The following HOXD4 variants were observed in gnomAD, a reference collection of about 807,000 sequenced individuals.
The protein encoded by HOXD4 is homeobox D4, also known as homeobox protein Hox-D4.
HOXD4 carries 15 observed loss-of-function variants against 22.6 expected under a neutral mutation model. The ratio of observed to expected loss-of-function variants is 0.67; its 90% CI spans 0.45 to 1.02. The LOEUF is 1.02. HOXD4 is among the 50% of genes least tolerant of loss of function. The pLI is 0.00. For synonymous variants in HOXD4, 176 were observed against 157.0 expected (o/e 1.12, Z -0.90); for missense variants, 350 against 346.6 (o/e 1.01, Z -0.08).
rs949386715 is a variant in HOXD4 at position 176,152,498 on chromosome 2, G to A, written c.434-110G>A. 3.1e-5 allele frequency: 28 copies of A among 896,160 alleles called. No individual in the cohort carries two copies. The African/African-American group carries it at 4.1e-4, about 13-fold the overall frequency. 55.5% of individuals were successfully genotyped at this position (896,160 alleles called of 1,614,324 possible). A position where few individuals can be genotyped will look rare whatever the true frequency, so the allele number is the denominator to read the frequency against. On this transcript the variant is annotated intron_variant, in intron 1 of 1. Coordinates refer to ENST00000306324, the MANE Select transcript of HOXD4 (RefSeq NM_014621.3). This position sits in a 1 kb window ranked among gnomAD's most constrained non-coding sequence, Gnocchi z 5.2. The stretch of plus-strand genomic sequence containing the variant: ...AGGAAGCAAGCGAGCTTGGGAGCGC[G>A]CGGGGAGGGCCGCGGGCCTCGGGGC...
rs749013823 is a variant in HOXD4 at position 176,152,082 on chromosome 2, A to G, written c.433+16A>G. 4.3e-6 allele frequency: 7 copies of G among 1,609,594 alleles called. No individual in the cohort carries two copies. The highest frequency in any genetic ancestry group is 3.3e-4 in the Middle Eastern group (2 of 6,078). On this transcript the variant is annotated intron_variant, in intron 1 of 1. Coordinates refer to ENST00000306324, the MANE Select transcript of HOXD4 (RefSeq NM_014621.3). The surrounding 1 kb of genome is among the most constrained non-coding windows in gnomAD (Gnocchi z 5.2). ...GTGAATTCGGGTAAGGCTAGGGTCC[A>G]GTAACCTTTCTGTCCACATCCCAGC...
Position 176,152,456 on chromosome 2 carries a change from G to A in HOXD4, c.434-152G>A, listed in dbSNP as rs1690556181. On this transcript the variant is annotated intron_variant, in intron 1 of 1. Coordinates refer to ENST00000306324, the MANE Select transcript of HOXD4 (RefSeq NM_014621.3). This position sits in a 1 kb window ranked among gnomAD's most constrained non-coding sequence, Gnocchi z 5.2. Reference sequence around the variant, plus strand: ...TGGGTGGGAGTGAGCGTGTGCGCCGGGGAGAGGGCGGGAGGGAGGAAGCAA... The same window carrying A: ...TGGGTGGGAGTGAGCGTGTGCGCCGAGGAGAGGGCGGGAGGGAGGAAGCAA... 4 of 716,002 alleles carry A rather than the reference G, an allele frequency of 5.6e-6. No homozygotes were observed. The highest frequency in any genetic ancestry group is 3.6e-4 in the Middle Eastern group (1 of 2,766). The allele number at this position is 716,002 out of a possible 1,614,324, so 44.4% of individuals were successfully genotyped here. A position where few individuals can be genotyped will look rare whatever the true frequency, so the allele number is the denominator to read the frequency against.
chr2:176,151,884 GC>G lies in HOXD4; in HGVS notation c.255del (p.Gly86AlafsTer52). 2 of 1,584,982 alleles carry G rather than the reference GC, an allele frequency of 1.3e-6. No homozygotes were observed. Among genetic ancestry groups the G allele is most frequent in the Non-Finnish European group, 1.7e-6 (2 of 1,165,414 alleles). On this transcript the variant is annotated frameshift_variant, in exon 1 of 2. Transcript: ENST00000306324. LOFTEE classifies it high-confidence loss of function. ...CGGGGTCACGGACAAGAGCCAGGCGGCCCCGGCGGTCACTACGCCGCTCCAG... is the reference window on the plus strand; with the variant it reads ...CGGGGTCACGGACAAGAGCCAGGCGGCCCGGCGGTCACTACGCCGCTCCAG... ...PARGHGQEPGGPGGHYAAPGE... is the reference protein window; with the variant it reads ...PARGHGQEPGXPGGHYAAPGE...
Position 176,152,639 on chromosome 2 carries a change from G to T in HOXD4, c.465G>T (p.Lys155Asn). 6.2e-7 allele frequency: 1 copy of T among 1,614,154 alleles called. No individual in the cohort carries two copies. Among genetic ancestry groups the T allele is most frequent in the Non-Finnish European group, 8.5e-7 (1 of 1,180,012 alleles). Residue 155 changes from lysine (K) to asparagine (N), a missense_variant, in exon 2 of 2, where the codon AAG becomes AAT. Coordinates refer to ENST00000306324, the MANE Select transcript of HOXD4 (RefSeq NM_014621.3). The surrounding 1 kb of genome is among the most constrained non-coding windows in gnomAD (Gnocchi z 5.2). ...VNPNYTGGEP[K>N]RSRTAYTRQQ... is the part of the protein sequence containing the mutation. ...CCAACTACACCGGTGGGGAACCCAAGCGGTCCCGAACGGCCTACACCCGGC... is the reference window on the plus strand; with the variant it reads ...CCAACTACACCGGTGGGGAACCCAATCGGTCCCGAACGGCCTACACCCGGC...
chr2:176,152,913 G>A lies in HOXD4; in HGVS notation c.739G>A (p.Asp247Asn). The change falls in exon 2 of 2, where the codon GAC becomes AAC. Residue 247 changes from aspartate to asparagine, a missense_variant. Transcript: ENST00000306324. This position sits in a 1 kb window ranked among gnomAD's most constrained non-coding sequence, Gnocchi z 5.2. ...PSQHLQPMAK[D>N]HHTDLTTL ...CCAGCATTTACAGCCGATGGCCAAA[G>A]ACCACCACACGGACCTGACGACCTT... 4.3e-6 allele frequency: 7 copies of A among 1,614,174 alleles called. No homozygotes were observed. The highest frequency in any genetic ancestry group is 5.9e-6 in the Non-Finnish European group (7 of 1,180,028).
In HOXD4 at chr2:176,153,015, CTGTCA is replaced by C; in HGVS notation, c.*74_*78del. The C allele has an allele frequency of 1.4e-6, 2 of 1,436,126 alleles. No individual in the cohort carries two copies. The highest frequency in any genetic ancestry group is 2.0e-6 in the Non-Finnish European group (2 of 1,019,824). The allele number at this position is 1,436,126 out of a possible 1,614,324, so 89.0% of individuals were successfully genotyped here. A position where few individuals can be genotyped will look rare whatever the true frequency, so the allele number is the denominator to read the frequency against. ...AAGCTGCGGGGGCAGGCCGGGCCTG[CTGTCA>C]CCTCGCTGGGCTCTAAGGTACTGTG... On this transcript the variant is annotated 3_prime_UTR_variant, in exon 2 of 2. Transcript: ENST00000306324.
rs1297860056 is a variant in HOXD4 at position 176,152,738 on chromosome 2, T to G, written c.564T>G (p.Ala188=). The G allele has an allele frequency of 6.2e-7, 1 of 1,614,186 alleles. No homozygotes were observed. The highest frequency in any genetic ancestry group is 8.5e-7 in the Non-Finnish European group (1 of 1,180,020). ...CAAGGCGCCGTCGGATTGAAATCGC[T>G]CACACCCTGTGTCTGTCGGAGCGCC... is the stretch of plus-strand genomic sequence containing the variant. ...YLTRRRRIEI[A]HTLCLSERQI... The change falls in exon 2 of 2, where the codon GCT becomes GCG. Residue 188 remains alanine, a synonymous_variant. Transcript: ENST00000306324. This position sits in a 1 kb window ranked among gnomAD's most constrained non-coding sequence, Gnocchi z 5.2.
rs1169543397 is a variant in HOXD4, at chr2:176,152,539, C to A, written c.434-69C>A. 3.0e-6 allele frequency: 4 copies of A among 1,333,806 alleles called. No homozygotes were observed. Among genetic ancestry groups the A allele is most frequent in the Middle Eastern group, 2.3e-4 (1 of 4,396 alleles). The allele number at this position is 1,333,806 out of a possible 1,614,324, so 82.6% of individuals were successfully genotyped here. ...GCCTCGGGGCGCGCCAGGAAGTGAG[C>A]GGCGGAGGCGAGGGGCCTAACTAGT... On this transcript the variant is annotated intron_variant, in intron 1 of 1. Coordinates refer to ENST00000306324, the MANE Select transcript of HOXD4 (RefSeq NM_014621.3). The surrounding 1 kb of genome is among the most constrained non-coding windows in gnomAD (Gnocchi z 5.2).
Position 176,151,930 on chromosome 2 carries a change from C to G in HOXD4, c.297C>G (p.Pro99=), listed in dbSNP as rs1690536277. Reference sequence around the variant, plus strand: ...CTCCAGGAGAGCCTTGCCCAGCTCCCCCGGCGCCTCCGCCGGCGCCCCTGC... The same window carrying G: ...CTCCAGGAGAGCCTTGCCCAGCTCCGCCGGCGCCTCCGCCGGCGCCCCTGC... The part of the protein sequence containing the change: ...YAAPGEPCPA[P]PAPPPAPLPG... The change falls in exon 1 of 2, where the codon CCC becomes CCG. Residue 99 remains proline (P), a synonymous_variant. Coordinates refer to ENST00000306324, the MANE Select transcript of HOXD4 (RefSeq NM_014621.3). The G allele has an allele frequency of 6.2e-7, 1 of 1,605,240 alleles. No individual in the cohort carries two copies. The highest frequency in any genetic ancestry group is 8.5e-7 in the Non-Finnish European group (1 of 1,175,860).
At position 176,152,682 on chromosome 2, in the gene HOXD4, G is replaced by GA; in HGVS notation, c.513dup (p.Glu172ArgfsTer5). The GA allele has an allele frequency of 4.3e-6, 7 of 1,614,192 alleles. No homozygotes were observed. The highest frequency in any genetic ancestry group is 5.9e-6 in the Non-Finnish European group (7 of 1,180,022). On this transcript the variant is annotated frameshift_variant, in exon 2 of 2. Coordinates refer to ENST00000306324, the MANE Select transcript of HOXD4 (RefSeq NM_014621.3). LOFTEE classifies it high-confidence loss of function. This position sits in a 1 kb window ranked among gnomAD's most constrained non-coding sequence, Gnocchi z 5.2. ...CACCCGGCAGCAAGTCCTAGAACTGGAAAAAGAATTTCATTTTAACAGGTA... is the reference window on the plus strand; with the variant it reads ...CACCCGGCAGCAAGTCCTAGAACTGGAAAAAAGAATTTCATTTTAACAGGTA...
chr2:176,152,080 C>T lies in HOXD4; in HGVS notation c.433+14C>T, dbSNP rs1443933987. 4 of 1,609,358 alleles carry T rather than the reference C, an allele frequency of 2.5e-6. No individual in the cohort carries two copies. The highest frequency in any genetic ancestry group is 1.7e-4 in the Middle Eastern group (1 of 6,056). ...ACGTGAATTCGGGTAAGGCTAGGGT[C>T]CAGTAACCTTTCTGTCCACATCCCA... On this transcript the variant is annotated intron_variant, in intron 1 of 1. Coordinates refer to ENST00000306324, the MANE Select transcript of HOXD4 (RefSeq NM_014621.3). The surrounding 1 kb of genome is among the most constrained non-coding windows in gnomAD (Gnocchi z 5.2).
In HOXD4 at chr2:176,152,569, G is replaced by A; in HGVS notation, c.434-39G>A. 3 of 1,557,198 alleles carry A rather than the reference G, an allele frequency of 1.9e-6. No individual in the cohort carries two copies. Among genetic ancestry groups the A allele is most frequent in the Non-Finnish European group, 2.7e-6 (3 of 1,130,014 alleles). Reference sequence around the variant, plus strand: ...GAGGCGAGGGGCCTAACTAGTGGCCGGGCGCTGACCTGCCTGTCCTGTCTG... The same window carrying A: ...GAGGCGAGGGGCCTAACTAGTGGCCAGGCGCTGACCTGCCTGTCCTGTCTG... On this transcript the variant is annotated intron_variant, in intron 1 of 1. Coordinates refer to ENST00000306324, the MANE Select transcript of HOXD4 (RefSeq NM_014621.3). This position sits in a 1 kb window ranked among gnomAD's most constrained non-coding sequence, Gnocchi z 5.2.
Position 176,152,275 on chromosome 2 carries a change from G to A in HOXD4, c.433+209G>A, listed in dbSNP as rs908092320. Among the ~76,000 whole-genome samples, 10 of 149,152 alleles carry A rather than the reference G, an allele frequency of 6.7e-5. No individual in the cohort carries two copies. The highest frequency in any genetic ancestry group is 1.5e-4 in the Non-Finnish European group (10 of 67,450). The stretch of plus-strand genomic sequence containing the variant: ...CGCAAAAGGGGGTGGGGATGGGGGG[G>A]TGGGGGAGGACTCCATTTTCAGAGC... On this transcript the variant is annotated intron_variant, in intron 1 of 1. Transcript: ENST00000306324. This position sits in a 1 kb window ranked among gnomAD's most constrained non-coding sequence, Gnocchi z 5.2.
Position 176,152,973 on chromosome 2 carries a change from C to G in HOXD4, c.*31C>G. The stretch of plus-strand genomic sequence containing the variant: ...GGGACCCTGGGCCCATCTCTCCCTG[C>G]GCACCAGGCTGAGCCGAAGCTGCGG... On this transcript the variant is annotated 3_prime_UTR_variant, in exon 2 of 2. Coordinates refer to ENST00000306324, the MANE Select transcript of HOXD4 (RefSeq NM_014621.3). The surrounding 1 kb of genome is among the most constrained non-coding windows in gnomAD (Gnocchi z 5.2). The G allele has an allele frequency of 6.2e-7, 1 of 1,600,008 alleles. No individual in the cohort carries two copies. Among genetic ancestry groups the G allele is most frequent in the Non-Finnish European group, 8.6e-7 (1 of 1,167,210 alleles).
At position 176,151,820 on chromosome 2, in the gene HOXD4, G is replaced by C; in HGVS notation, c.187G>C (p.Gly63Arg). The C allele has an allele frequency of 6.2e-7, 1 of 1,607,346 alleles. No homozygotes were observed. The highest frequency in any genetic ancestry group is 8.5e-7 in the Non-Finnish European group (1 of 1,177,096). Residue 63 changes from glycine (G) to arginine (R), a missense_variant, in exon 1 of 2, where the codon GGA becomes CGA. Coordinates refer to ENST00000306324, the MANE Select transcript of HOXD4 (RefSeq NM_014621.3). ...PRPDFGEQPF[G>R]GSGPGPGSAL... The stretch of plus-strand genomic sequence containing the variant: ...GCCCGACTTCGGTGAGCAGCCTTTC[G>C]GAGGCAGCGGCCCCGGGCCTGGCTC...
rs1348649807 is a variant in HOXD4, at chr2:176,151,967, G to T, written c.334G>T (p.Ala112Ser). ...GCCGGCGCCCCTGCCTGGCGCCCGG[G>T]CCTACAGTCAGTCCGACCCCAAGCA... ...PPPAPLPGAR[A>S]YSQSDPKQPP... The change falls in exon 1 of 2, where the codon GCC becomes TCC. Residue 112 changes from alanine (A) to serine (S), a missense_variant. Physicochemically the swap from Ala to Ser is moderately conservative, Grantham distance 99 (BLOSUM62 1). Transcript: ENST00000306324. 1 of 1,612,710 alleles carries T rather than the reference G, an allele frequency of 6.2e-7. No individual in the cohort carries two copies. Among genetic ancestry groups the T allele is most frequent in the Non-Finnish European group, 8.5e-7 (1 of 1,179,612 alleles).
chr2:176,151,747 C>T lies in HOXD4; in HGVS notation c.114C>T (p.Gly38=), dbSNP rs770140508. ...YLGEQGADYY[G]GGAQGADFQP... ...GCGAGCAGGGCGCCGACTACTACGG[C>T]GGCGGCGCGCAGGGCGCAGACTTCC... Residue 38 remains glycine (G), a synonymous_variant, in exon 1 of 2, where the codon GGC becomes GGT. Transcript: ENST00000306324. 43 of 1,612,942 alleles carry T rather than the reference C, an allele frequency of 2.7e-5. No individual in the cohort carries two copies. In the South Asian group the frequency reaches 4.6e-4, roughly 17 times the overall value.
chr2:176,152,759 G>A lies in HOXD4; in HGVS notation c.585G>A (p.Glu195=). Reference sequence around the variant, plus strand: ...TCGCTCACACCCTGTGTCTGTCGGAGCGCCAGATCAAGATCTGGTTCCAGA... The same window carrying A: ...TCGCTCACACCCTGTGTCTGTCGGAACGCCAGATCAAGATCTGGTTCCAGA... ...IEIAHTLCLS[E]RQIKIWFQNR... The change falls in exon 2 of 2, where the codon GAG becomes GAA. Residue 195 remains glutamate, a synonymous_variant. Coordinates refer to ENST00000306324, the MANE Select transcript of HOXD4 (RefSeq NM_014621.3). The surrounding 1 kb of genome is among the most constrained non-coding windows in gnomAD (Gnocchi z 5.2). 1 of 1,614,202 alleles carries A rather than the reference G, an allele frequency of 6.2e-7. No individual in the cohort carries two copies. Among genetic ancestry groups the A allele is most frequent in the Middle Eastern group, 1.6e-4 (1 of 6,062 alleles).
At position 176,152,495 on chromosome 2, in the gene HOXD4, C is replaced by T. The variant is rs916566886; in HGVS notation, c.434-113C>T. 4.6e-6 allele frequency: 4 copies of T among 865,984 alleles called. No individual in the cohort carries two copies. Among genetic ancestry groups the T allele is most frequent in the African/African-American group, 3.3e-5 (2 of 59,828 alleles). The allele number at this position is 865,984 out of a possible 1,614,324, so 53.6% of individuals were successfully genotyped here. On this transcript the variant is annotated intron_variant, in intron 1 of 1. Coordinates refer to ENST00000306324, the MANE Select transcript of HOXD4 (RefSeq NM_014621.3). The surrounding 1 kb of genome is among the most constrained non-coding windows in gnomAD (Gnocchi z 5.2). ...GGGAGGAAGCAAGCGAGCTTGGGAG[C>T]GCGCGGGGAGGGCCGCGGGCCTCGG... is the stretch of plus-strand genomic sequence containing the variant.
Sources: gnomAD v4.1 joint callset for allele counts (sites outside exome capture counted in the v4.1 genomes callset) on GRCh38, gnomAD v4.1.1 for gene constraint, Gnocchi (gnomAD v3.1) non-coding constraint, MANE v1.5 for transcripts, NCBI Gene and HGNC (gene_info 2026-07-23, HGNC 2026-07-21) for gene names.